Variants in ZBTB25 observed in about 807,000 individuals in gnomAD.
ZBTB25 encodes the protein zinc finger and BTB domain containing 25, also known as zinc finger and BTB domain-containing protein 25.
ZBTB25 carries 20 observed loss-of-function variants against 34.2 expected under a neutral mutation model. The observed-to-expected ratio is 0.58, with a 90% confidence interval of 0.41 to 0.85. ZBTB25 has a LOEUF of 0.85. ZBTB25 is among the 40% of genes least tolerant of loss of function. The pLI, the probability that ZBTB25 is intolerant of heterozygous loss-of-function variation, is 0.00. For synonymous variants in ZBTB25, 175 were observed against 186.4 expected (o/e 0.94, Z 0.50); for missense variants, 437 against 521.8 (o/e 0.84, Z 1.58).
At chr14:64,502,248 A>G (rs1275214903) in intron 1 of ZBTB25, among the ~76,000 whole-genome samples, 1 of 152,204 alleles carries the variant, frequency 6.6e-6, no homozygotes, top group East Asian at 1.9e-4. Context: ...TGGACAAAAA[A>G]GGTGTTAGCA....
At position 64,487,237 on chromosome 14, in the gene ZBTB25, T is replaced by G. The variant is rs757945168; in HGVS notation, c.994A>C (p.Thr332Pro). ...TTACAGTTTAATTCTACTGGCTCTG[T>G]GTCTTTGGAGATCAAAGATACTTGA... The part of the protein sequence containing the change: ...ISQVSLISKD[T>P]EPVELNCNFS... The change falls in exon 3 of 3, where the codon ACA becomes CCA. Residue 332 changes from threonine to proline, a missense_variant. Physicochemically the swap from Thr to Pro is conservative, Grantham distance 38. Transcript: ENST00000608382. The G allele has an allele frequency of 3.1e-6, 5 of 1,614,178 alleles. No homozygotes were observed. Among genetic ancestry groups the G allele is most frequent in the Non-Finnish European group, 4.2e-6 (5 of 1,180,040 alleles).
chr14:64,476,487 A>G (rs2078720614), downstream of ZBTB25, among the ~76,000 whole-genome samples: 1 of 144,198 alleles, frequency 6.9e-6, no homozygotes, highest in African/African-American at 2.5e-5. Context: ...TGCCCGGCTA[A>G]TTTTTTTCTC....
chr14:64,455,014 T>C, intron 2 of ZBTB25: 1 of 860,322 alleles, frequency 1.2e-6, no homozygotes. Context: ...TTATGATTGC[T>C]GTGGATCATA....
At chr14:64,503,023 C>G (rs1376963453) in intron 1 of ZBTB25, 1 of 985,318 alleles carries the variant, frequency 1.0e-6, no homozygotes, top group Non-Finnish European at 1.2e-6. Context: ...TAGGTGCCGT[C>G]AGGTTCCAGG....
At chr14:64,477,753 G>A (rs143964884), downstream of ZBTB25, among the ~76,000 whole-genome samples, 11 of 152,290 alleles carry the variant, frequency 7.2e-5, no homozygotes, top group East Asian at 2.1e-3. Flanking sequence ...ATATGGTTTG[G>A]ACTAAGTTTC....
At chr14:64,498,190 G>C (rs1168876133) in intron 1 of ZBTB25, among the ~76,000 whole-genome samples, 1 of 152,204 alleles carries the variant, frequency 6.6e-6, no homozygotes, top group African/African-American at 2.4e-5. Flanking sequence ...TCCTGAAACA[G>C]AGGTTCTTAT....
chr14:64,453,132 T>C (rs2078403057), intron 2 of ZBTB25, among the ~76,000 whole-genome samples: 1 of 151,982 alleles, frequency 6.6e-6, no homozygotes, highest in African/African-American at 2.4e-5. Flanking sequence ...TGTAAGTATA[T>C]ATTTAAAACC....
intron 2 of ZBTB25, among the ~76,000 whole-genome samples, chr14:64,466,690 T>A (rs1374656226): frequency 6.6e-6 from 1 of 152,218 alleles, no homozygotes; most frequent in Admixed American, 6.5e-5. Flanking sequence ...ATAAACTGAT[T>A]TTCAGGGTTC....
intron 2 of ZBTB25, among the ~76,000 whole-genome samples, chr14:64,489,292 A>T (rs1275649250): frequency 1.4e-5 from 2 of 140,262 alleles, no homozygotes; most frequent in Admixed American, 6.9e-5. Context: ...AATAAAAAAT[A>T]AAAAAAACAA....
intron 2 of ZBTB25, among the ~76,000 whole-genome samples, chr14:64,489,745 A>C (rs1176939772): frequency 1.3e-5 from 2 of 150,940 alleles, no homozygotes; most frequent in Non-Finnish European, 3.0e-5. Context: ...CATATTGGCC[A>C]GGCTGGTCTC....
At chr14:64,468,615 C>A in intron 2 of ZBTB25, 1 of 1,613,874 alleles carries the variant, frequency 6.2e-7, no homozygotes, top group East Asian at 2.2e-5. Context: ...CAGCCAGAGC[C>A]CACACGGGGG....
intron 2 of ZBTB25, chr14:64,461,627 G>GCT (rs2078557682): frequency 7.4e-6 from 1 of 134,346 alleles, no homozygotes; most frequent in Non-Finnish European, 1.5e-5. Context: ...CAAGAGTCGT[G>GCT]CTCTTTTGCC....
intron 2 of ZBTB25, among the ~76,000 whole-genome samples, chr14:64,458,918 T>C (rs886760517): frequency 4.6e-5 from 7 of 152,186 alleles, no homozygotes; most frequent in South Asian, 2.1e-4. Context: ...TGTGCACTTA[T>C]ATCCCTAGAC....
downstream of ZBTB25, among the ~76,000 whole-genome samples, chr14:64,474,771 A>C (rs1286992606): frequency 6.6e-6 from 1 of 152,240 alleles, no homozygotes; most frequent in African/African-American, 2.4e-5. Flanking sequence ...CACTGTTTTC[A>C]TCTCTTGATA....
rs2078873222 is a variant in ZBTB25 at position 64,486,739 on chromosome 14, C to T, written c.*184G>A. 1.1e-5 allele frequency: 14 copies of T among 1,256,170 alleles called. No homozygotes were observed. Among genetic ancestry groups the T allele is most frequent in the Non-Finnish European group, 1.4e-5 (14 of 997,162 alleles). The allele number at this position is 1,256,170 out of a possible 1,614,324, so 77.8% of individuals were successfully genotyped here. On this transcript the variant is annotated 3_prime_UTR_variant, in exon 3 of 3. Coordinates refer to ENST00000608382, the MANE Select transcript of ZBTB25 (RefSeq NM_006977.5). ...AGTTCACAGTAGTAATTGAATGTTA[C>T]ATTTTAATAGCCACATATTAATATG...
chr14:64,485,881 C>G lies in ZBTB25; in HGVS notation c.*1042G>C. On this transcript the variant is annotated 3_prime_UTR_variant, in exon 3 of 3. Transcript: ENST00000608382. ...AAACACTCTAGACCAAGTTAACAAC[C>G]CTGGGGTTTTTAGTCAATGCAGTTC... 1.0e-6 allele frequency: 1 copy of G among 985,262 alleles called. No homozygotes were observed. Among genetic ancestry groups the G allele is most frequent in the African/African-American group, 1.7e-5 (1 of 57,300 alleles). The allele number at this position is 985,262 out of a possible 1,614,324, so 61.0% of individuals were successfully genotyped here. A position where few individuals can be genotyped will look rare whatever the true frequency, so the allele number is the denominator to read the frequency against.
intron 1 of ZBTB25, among the ~76,000 whole-genome samples, chr14:64,492,220 AT>A (rs749056180): frequency 1.2e-3 from 106 of 89,182 alleles, no homozygotes; most frequent in South Asian, 4.5e-3. Flanking sequence ...TATTATTATT[AT>A]TTGAGACGGA....
At chr14:64,468,907 T>C (rs763874717) in intron 2 of ZBTB25, 19 of 1,614,122 alleles carry the variant, frequency 1.2e-5, no homozygotes, top group Non-Finnish European at 1.5e-5. Flanking sequence ...CATTGAATGA[T>C]CAGGCAACAA....
At chr14:64,473,673 T>C (rs1390330099), downstream of ZBTB25, 1 of 167,056 alleles carries the variant, frequency 6.0e-6, no homozygotes, top group Non-Finnish European at 1.5e-5. Context: ...TCCCACTGTT[T>C]GAAAAGATCC....
Sources: gnomAD v4.1 joint callset for allele counts (sites outside exome capture counted in the v4.1 genomes callset) on GRCh38, gnomAD v4.1.1 for gene constraint, MANE v1.5 for transcripts, NCBI Gene and HGNC (gene_info 2026-07-23, HGNC 2026-07-21) for gene names.